Variants in LDAH observed in about 807,000 individuals in gnomAD.
LDAH encodes the protein lipid droplet associated hydrolase.
In LDAH, 26 loss-of-function variants were observed where a neutral mutation model predicts 29.6. That is an observed-to-expected ratio of 0.88 (90% CI 0.64 to 1.22). The LOEUF is 1.22. Among genes scored for constraint, LDAH ranks in the 50% most tolerant of loss-of-function variants. The pLI, the probability that LDAH is intolerant of heterozygous loss-of-function variation, is 0.00. For missense variants in LDAH, 344 were observed against 387.3 expected, an observed-to-expected ratio of 0.89 and a Z score of 0.94; for synonymous variants, 117 against 133.0, an observed-to-expected ratio of 0.88 and a Z score of 0.83.
At chr2:20,804,200 C>T (rs1411710642) in intron 1 of LDAH, among the ~76,000 whole-genome samples, 3 of 152,176 alleles carry the variant, frequency 2.0e-5, no homozygotes, top group Non-Finnish European at 2.9e-5. Flanking sequence ...GGCTATGTGT[C>T]CCTGCCCAGA....
At chr2:20,691,423 C>G (rs1211500438) in intron 6 of LDAH, among the ~76,000 whole-genome samples, 1 of 152,170 alleles carries the variant, frequency 6.6e-6, no homozygotes, top group Non-Finnish European at 1.5e-5. Flanking sequence ...GTGATCCACC[C>G]ACCTCACCCT....
chr2:20,710,621 G>GAT (rs1425980239), intron 5 of LDAH, among the ~76,000 whole-genome samples: 29 of 125,490 alleles, frequency 2.3e-4, no homozygotes, highest in East Asian at 4.6e-4. Context: ...TATATATATA[G>GAT]ATATATATAT....
chr2:20,742,486 G>C lies in LDAH; in HGVS notation c.469-2281C>G, dbSNP rs115747081. Among the ~76,000 whole-genome samples, 410 of 152,298 alleles carry C rather than the reference G, an allele frequency of 2.7e-3. 1 individual carries two copies. The highest frequency in any genetic ancestry group is 9.6e-3 in the African/African-American group (401 of 41,558). On this transcript the variant is annotated intron_variant, in intron 4 of 6. Transcript: ENST00000237822. The stretch of plus-strand genomic sequence containing the variant: ...CACATAGTTTGATGCTTTGCTGCTA[G>C]GCACATGCATGTAAAGGACTGTTAT...
chr2:20,781,213 T>C (rs1670170669), intron 3 of LDAH, among the ~76,000 whole-genome samples: 1 of 152,206 alleles, frequency 6.6e-6, no homozygotes, highest in Non-Finnish European at 1.5e-5. Context: ...TTTATACTCC[T>C]AACTCCTCAA....
intron 5 of LDAH, among the ~76,000 whole-genome samples, chr2:20,725,773 T>C (rs745655604): frequency 3.9e-5 from 6 of 152,206 alleles, no homozygotes; most frequent in Non-Finnish European, 8.8e-5. Context: ...CAAAGCCTAA[T>C]CAGGAGTAGG....
intron 5 of LDAH, among the ~76,000 whole-genome samples, chr2:20,736,571 A>G (rs1666803737): frequency 6.6e-6 from 1 of 152,214 alleles, no homozygotes; most frequent in Non-Finnish European, 1.5e-5. Context: ...ATTATTTTAA[A>G]CTGAGTATTT....
chr2:20,759,660 T>C (rs926731513), intron 4 of LDAH, among the ~76,000 whole-genome samples: 4 of 152,174 alleles, frequency 2.6e-5, no homozygotes, highest in African/African-American at 9.7e-5. Flanking sequence ...CTATCTGAAC[T>C]AAACAAAAGC....
rs57619975 is a variant in LDAH at position 20,795,945 on chromosome 2, C to CCACACA, written c.154+5359_154+5364dup. On this transcript the variant is annotated intron_variant, in intron 2 of 6. Coordinates refer to ENST00000237822, the MANE Select transcript of LDAH (RefSeq NM_021925.4). ...AATAGATTAGCTCCCCCGAAACCTGCCACACACACACACACACACACACAC... is the reference window on the plus strand; with the variant it reads ...AATAGATTAGCTCCCCCGAAACCTGCCACACACACACACACACACACACACACACAC... 1.7e-3 allele frequency among the ~76,000 whole-genome samples: 243 copies of CCACACA among 141,988 alleles called. 1 individual carries two copies. The highest frequency in any genetic ancestry group is 6.1e-3 in the African/African-American group (233 of 38,240). 93.1% of individuals were successfully genotyped at this position (141,988 alleles called of 152,430 possible). A position where few individuals can be genotyped will look rare whatever the true frequency, so the allele number is the denominator to read the frequency against.
At chr2:20,752,996 A>G (rs1395704628) in intron 4 of LDAH, among the ~76,000 whole-genome samples, 1 of 152,166 alleles carries the variant, frequency 6.6e-6, no homozygotes, top group African/African-American at 2.4e-5. Context: ...CAACAACAAC[A>G]ACAGCAACAA....
intron 5 of LDAH, among the ~76,000 whole-genome samples, chr2:20,708,431 A>G (rs1227161821): frequency 1.3e-5 from 2 of 152,260 alleles, no homozygotes; most frequent in East Asian, 3.8e-4. Flanking sequence ...TATTTATAGA[A>G]GTACAAAAAT....
intron 4 of LDAH, among the ~76,000 whole-genome samples, chr2:20,773,392 T>C (rs937303309): frequency 6.0e-5 from 9 of 151,050 alleles, no homozygotes; most frequent in East Asian, 2.0e-4. Flanking sequence ...ACTGTGCAAG[T>C]AGAACCACTA....
chr2:20,758,606 G>T (rs1668480053), intron 4 of LDAH, among the ~76,000 whole-genome samples: 1 of 152,124 alleles, frequency 6.6e-6, no homozygotes, highest in South Asian at 2.1e-4. Flanking sequence ...ATAATATAGG[G>T]TAGAATATAG....
chr2:20,702,975 C>T (rs541642906), intron 5 of LDAH, among the ~76,000 whole-genome samples: 96 of 152,224 alleles, frequency 6.3e-4, no homozygotes, highest in South Asian at 1.7e-3. Context: ...TACAGGCATG[C>T]GCCACCACAC....
At chr2:20,721,412 A>G (rs995401983) in intron 5 of LDAH, among the ~76,000 whole-genome samples, 1 of 152,168 alleles carries the variant, frequency 6.6e-6, no homozygotes, top group Non-Finnish European at 1.5e-5. Flanking sequence ...GCAAATCAAA[A>G]CCAAGACTAC....
intron 5 of LDAH, among the ~76,000 whole-genome samples, chr2:20,738,643 T>C (rs1420063024): frequency 6.6e-6 from 1 of 152,192 alleles, no homozygotes; most frequent in African/African-American, 2.4e-5. Context: ...CATCAACCTC[T>C]GGCAATTTCT....
At position 20,790,386 on chromosome 2, in the gene LDAH, A is replaced by G; in HGVS notation, c.167T>C (p.Phe56Ser). Residue 56 changes from phenylalanine (F) to serine (S), a missense_variant, in exon 3 of 7, where the codon TTT (phenylalanine) becomes TCT (serine). Transcript: ENST00000237822. Reference sequence around the variant, plus strand: ...TGCAAATGGCACATAAAAGGCAGAAAAACCTGGGTTACCTAAGAAAAGAAA... The same window carrying G: ...TGCAAATGGCACATAAAAGGCAGAAGAACCTGGGTTACCTAAGAAAAGAAA... Reference protein sequence around the residue: ...LIFIIPGNPGFSAFYVPFAKA... With the variant: ...LIFIIPGNPGSSAFYVPFAKA... 1 of 1,613,238 alleles carries G rather than the reference A, an allele frequency of 6.2e-7. No individual in the cohort carries two copies. Among genetic ancestry groups the G allele is most frequent in the Non-Finnish European group, 8.5e-7 (1 of 1,179,788 alleles).
At chr2:20,786,419 A>T (rs2125058757) in intron 3 of LDAH, among the ~76,000 whole-genome samples, 1 of 152,088 alleles carries the variant, frequency 6.6e-6, no homozygotes, top group Non-Finnish European at 1.5e-5. Flanking sequence ...AGCACTCCTA[A>T]CCTCAAGCAA....
At chr2:20,797,664 T>C (rs774296323) in intron 2 of LDAH, among the ~76,000 whole-genome samples, 2 of 152,150 alleles carry the variant, frequency 1.3e-5, no homozygotes, top group Admixed American at 6.5e-5. Context: ...GTTTTTTGTC[T>C]TCCTCTTAAA....
intron 2 of LDAH, among the ~76,000 whole-genome samples, chr2:20,795,498 T>C (rs969926566): frequency 1.3e-5 from 2 of 152,184 alleles, no homozygotes; most frequent in Non-Finnish European, 2.9e-5. Context: ...GTGTACTCTA[T>C]GGTGAGTTCT....
Sources: gnomAD v4.1 joint callset for allele counts (sites outside exome capture counted in the v4.1 genomes callset) on GRCh38, gnomAD v4.1.1 for gene constraint, MANE v1.5 for transcripts, NCBI Gene and HGNC (gene_info 2026-07-23, HGNC 2026-07-21) for gene names.